Variants in PIGK observed in about 807,000 individuals in gnomAD.
The protein encoded by PIGK is phosphatidylinositol glycan anchor biosynthesis class K.
PIGK carries 42 observed loss-of-function variants against 50.6 expected under a neutral mutation model. That is an observed-to-expected ratio of 0.83 (90% CI 0.65 to 1.07). PIGK has a LOEUF of 1.07. PIGK is among the 50% of genes least tolerant of loss of function. The pLI is 0.00. For missense variants in PIGK, 448 were observed against 488.7 expected (o/e 0.92, Z 0.78); for synonymous variants, 151 against 156.0 (o/e 0.97, Z 0.24).
At chr1:77,175,753 GT>G (rs1181913052) in intron 3 of PIGK, among the ~76,000 whole-genome samples, 1 of 152,048 alleles carries the variant, frequency 6.6e-6, no homozygotes, top group Non-Finnish European at 1.5e-5. Context: ...ATATTATTCA[GT>G]TTTTACATAA....
chr1:77,151,043 C>T (rs1654884233), intron 9 of PIGK, among the ~76,000 whole-genome samples: 2 of 151,912 alleles, frequency 1.3e-5, no homozygotes, highest in African/African-American at 4.8e-5. Flanking sequence ...CACACACACA[C>T]ATAAAAAATC....
At chr1:77,160,748 G>A (rs1655112027) in intron 8 of PIGK, among the ~76,000 whole-genome samples, 1 of 152,046 alleles carries the variant, frequency 6.6e-6, no homozygotes, top group African/African-American at 2.4e-5. Context: ...AAAAAATTCA[G>A]GAAAAAAATC....
chr1:77,103,752 T>G (rs1427223204), intron 10 of PIGK, among the ~76,000 whole-genome samples: 3 of 152,066 alleles, frequency 2.0e-5, no homozygotes, highest in Non-Finnish European at 4.4e-5. Context: ...AGGAGGGAGC[T>G]GCACAGAAAG....
intron 9 of PIGK, among the ~76,000 whole-genome samples, chr1:77,135,940 T>C (rs114948349): frequency 8.4e-4 from 128 of 152,294 alleles, no homozygotes; most frequent in African/African-American, 1.9e-3. Flanking sequence ...AATTATAAAA[T>C]ATATTCAGTT....
At chr1:77,212,066 C>A (rs187426196) in intron 1 of PIGK, among the ~76,000 whole-genome samples, 2 of 152,220 alleles carry the variant, frequency 1.3e-5, no homozygotes, top group African/African-American at 2.4e-5. Flanking sequence ...CATCCTCTAG[C>A]ATTCTGCCAG....
chr1:77,148,787 T>C (rs548741702), intron 9 of PIGK, among the ~76,000 whole-genome samples: 100 of 152,020 alleles, frequency 6.6e-4, no homozygotes, highest in African/African-American at 2.4e-3. Context: ...CGATCTCGGC[T>C]TACTGCAGCC....
chr1:77,196,614 T>C (rs998558143), intron 3 of PIGK, among the ~76,000 whole-genome samples: 1 of 152,214 alleles, frequency 6.6e-6, no homozygotes, highest in Non-Finnish European at 1.5e-5. Context: ...TTGTATGTCT[T>C]CTTTTGAGAA....
At chr1:77,200,180 G>T (rs747359543) in intron 3 of PIGK, among the ~76,000 whole-genome samples, 1 of 152,112 alleles carries the variant, frequency 6.6e-6, no homozygotes, top group Non-Finnish European at 1.5e-5. Context: ...GGATGAGTTG[G>T]AGGGGGAAAG....
chr1:77,163,165 G>C (rs577253715), intron 6 of PIGK, among the ~76,000 whole-genome samples: 2 of 152,184 alleles, frequency 1.3e-5, no homozygotes, highest in Admixed American at 6.5e-5. Flanking sequence ...CATTGCTTAT[G>C]CTTTTATTTT....
At chr1:77,164,548 A>G (rs1655195307) in intron 5 of PIGK, among the ~76,000 whole-genome samples, 1 of 150,134 alleles carries the variant, frequency 6.7e-6, no homozygotes, top group African/African-American at 2.4e-5. Context: ...ATGAAAGTAG[A>G]AAAAAAAAAC....
intron 10 of PIGK, among the ~76,000 whole-genome samples, chr1:77,097,784 G>C (rs750069413): frequency 6.6e-6 from 1 of 151,574 alleles, no homozygotes; most frequent in Admixed American, 6.6e-5. Flanking sequence ...TAAAGGGCTC[G>C]GATTTCATAT....
intron 9 of PIGK, among the ~76,000 whole-genome samples, chr1:77,141,779 C>T (rs1366432346): frequency 6.6e-6 from 1 of 151,930 alleles, no homozygotes; most frequent in Non-Finnish European, 1.5e-5. Context: ...CAAAAATAAC[C>T]TTACTTTGAC....
At chr1:77,122,407 G>A (rs774305390) in intron 9 of PIGK, 48 bp from the exon 10 acceptor site, 1 of 961,100 alleles carries the variant, frequency 1.0e-6, no homozygotes, top group Admixed American at 2.0e-5. Context: ...ATACTATTTT[G>A]AAATATAGCA....
intron 3 of PIGK, among the ~76,000 whole-genome samples, chr1:77,171,643 A>G (rs1655365311): frequency 6.6e-6 from 1 of 152,012 alleles, no homozygotes; most frequent in Non-Finnish European, 1.5e-5. Context: ...TATAAGTACT[A>G]TGACCTGTTA....
chr1:77,195,787 T>C (rs973591413), intron 3 of PIGK, among the ~76,000 whole-genome samples: 8 of 151,970 alleles, frequency 5.3e-5, no homozygotes, highest in Non-Finnish European at 1.0e-4. Context: ...ATATAGAATC[T>C]AGATATTTAT....
chr1:77,120,674 C>T (rs1186026255), intron 10 of PIGK, among the ~76,000 whole-genome samples: 1 of 152,138 alleles, frequency 6.6e-6, no homozygotes. Flanking sequence ...AATGAAGAGT[C>T]TGCTATTAAC....
intron 10 of PIGK, among the ~76,000 whole-genome samples, chr1:77,109,718 T>C (rs1653791768): frequency 6.6e-6 from 1 of 152,168 alleles, no homozygotes; most frequent in Non-Finnish European, 1.5e-5. Flanking sequence ...GGATGCCCTC[T>C]CTCACCACTC....
At chr1:77,112,639 A>T (rs968558260) in intron 10 of PIGK, among the ~76,000 whole-genome samples, 8 of 152,176 alleles carry the variant, frequency 5.3e-5, no homozygotes, top group African/African-American at 1.9e-4. Flanking sequence ...AGTCAAAACC[A>T]TCCCACTAGA....
intron 10 of PIGK, among the ~76,000 whole-genome samples, chr1:77,118,880 G>T (rs577009139): frequency 1.3e-5 from 2 of 152,294 alleles, no homozygotes; most frequent in South Asian, 4.1e-4. Flanking sequence ...GTCTGTGGGG[G>T]TGTTGCTAAA....
Sources: allele counts gnomAD v4.1 joint callset (sites outside exome capture counted in the v4.1 genomes callset), GRCh38; gene constraint gnomAD v4.1.1; transcripts MANE v1.5; gene names NCBI Gene and HGNC (gene_info 2026-07-23, HGNC 2026-07-21).